Variants in DPP10 observed in about 807,000 individuals in gnomAD.
DPP10 encodes the protein inactive dipeptidyl peptidase 10.
DPP10 carries 33 observed loss-of-function variants against 120.9 expected under a neutral mutation model. That is an observed-to-expected ratio of 0.27 (90% confidence interval 0.21 to 0.37). The LOEUF (loss-of-function observed/expected upper bound fraction) is 0.37, where lower values mean the gene tolerates loss of function less well. DPP10 is among the 10% of genes least tolerant of loss of function. The pLI is 1.00. For synonymous variants in DPP10, 337 were observed against 326.1 expected (o/e 1.03, Z -0.36); for missense variants, 816 against 942.8 (o/e 0.87, Z 1.76).
At chr2:115,175,773 C>T (rs1374755362) in intron 1 of DPP10, among the ~76,000 whole-genome samples, 2 of 152,206 alleles carry the variant, frequency 1.3e-5, no homozygotes, top group African/African-American at 2.4e-5. Flanking sequence ...TGAATTGTGA[C>T]AGTGACACTG....
At chr2:114,779,646 A>G (rs1234982882) in intron 1 of DPP10, among the ~76,000 whole-genome samples, 1 of 152,124 alleles carries the variant, frequency 6.6e-6, no homozygotes, top group Non-Finnish European at 1.5e-5. Context: ...TCTGTTCATG[A>G]CCAGCCCTGA....
intron 1 of DPP10, among the ~76,000 whole-genome samples, chr2:115,217,178 T>C (rs2056881677): frequency 6.6e-6 from 1 of 152,172 alleles, no homozygotes; most frequent in African/African-American, 2.4e-5. Context: ...AACATTTTAG[T>C]TTTGAATCCT....
At chr2:115,715,028 C>CAAAAAA (rs70941091) in intron 7 of DPP10, among the ~76,000 whole-genome samples, 3 of 66,136 alleles carry the variant, frequency 4.5e-5, no homozygotes, top group African/African-American at 1.3e-4. Flanking sequence ...GACTCTGTCT[C>CAAAAAA]AAAAAAAAAA....
intron 5 of DPP10, among the ~76,000 whole-genome samples, chr2:115,532,988 A>AT (rs2078564455): frequency 6.6e-6 from 1 of 151,824 alleles, no homozygotes; most frequent in African/African-American, 2.4e-5. Flanking sequence ...CCTTTACCGC[A>AT]TTTTTTTAAG....
At chr2:114,707,233 A>C (rs1445085535) in intron 1 of DPP10, 1 of 152,194 alleles carries the variant, frequency 6.6e-6, no homozygotes, top group African/African-American at 2.4e-5. Flanking sequence ...GACTAAAGAC[A>C]ATACTAAGAA....
chr2:114,932,803 T>C (rs1696177226), intron 1 of DPP10, among the ~76,000 whole-genome samples: 1 of 152,192 alleles, frequency 6.6e-6, no homozygotes, highest in Non-Finnish European at 1.5e-5. Context: ...ATATATGTTA[T>C]ACCTCAAAAA....
chr2:114,448,078 T>G (rs573357138), intron 1 of DPP10, among the ~76,000 whole-genome samples: 2 of 152,208 alleles, frequency 1.3e-5, no homozygotes, highest in South Asian at 2.1e-4. Context: ...TTACTATAAA[T>G]TCAGCTGTTT....
chr2:114,459,953 G>A (rs1678786704), intron 1 of DPP10, among the ~76,000 whole-genome samples: 1 of 152,158 alleles, frequency 6.6e-6, no homozygotes, highest in African/African-American at 2.4e-5. Context: ...GACATGAAGT[G>A]CAGAGGGTAC....
At chr2:115,724,713 C>T (rs1221077985) in intron 7 of DPP10, among the ~76,000 whole-genome samples, 1 of 152,052 alleles carries the variant, frequency 6.6e-6, no homozygotes, top group Non-Finnish European at 1.5e-5. Flanking sequence ...AGAGAAACAC[C>T]TGAGACTGGG....
chr2:115,017,040 C>T (rs1475695064), intron 1 of DPP10, among the ~76,000 whole-genome samples: 1 of 131,700 alleles, frequency 7.6e-6, no homozygotes, highest in Non-Finnish European at 1.5e-5. Flanking sequence ...GGGAACATCA[C>T]ACTCTGGGGA....
At chr2:115,400,823 C>G (rs2104479354) in intron 3 of DPP10, among the ~76,000 whole-genome samples, 1 of 152,284 alleles carries the variant, frequency 6.6e-6, no homozygotes, top group Admixed American at 6.5e-5. Context: ...CTTCACTCCC[C>G]ACGTCAATAG....
intron 5 of DPP10, among the ~76,000 whole-genome samples, chr2:115,657,853 A>G (rs1257304788): frequency 6.6e-6 from 1 of 151,998 alleles, no homozygotes; most frequent in Non-Finnish European, 1.5e-5. Context: ...TAAACAGAAG[A>G]AACAACCTTG....
At chr2:115,511,955 C>G (rs2077256735) in intron 4 of DPP10, among the ~76,000 whole-genome samples, 1 of 151,716 alleles carries the variant, frequency 6.6e-6, no homozygotes, top group Non-Finnish European at 1.5e-5. Flanking sequence ...TGATCTTGAC[C>G]TTCTGGGCTC....
intron 1 of DPP10, among the ~76,000 whole-genome samples, chr2:114,468,022 G>A (rs1366972470): frequency 6.6e-6 from 1 of 152,022 alleles, no homozygotes; most frequent in African/African-American, 2.4e-5. Context: ...CACCATCTTA[G>A]TAATAATAAT....
intron 5 of DPP10, among the ~76,000 whole-genome samples, chr2:115,633,307 C>A (rs934739337): frequency 7.9e-5 from 12 of 152,158 alleles, no homozygotes; most frequent in Admixed American, 1.3e-4. Flanking sequence ...TGGAAACCAT[C>A]ATTCTCAGCA....
chr2:115,562,442 C>T (rs1261296065), intron 5 of DPP10, among the ~76,000 whole-genome samples: 1 of 152,148 alleles, frequency 6.6e-6, no homozygotes, highest in Non-Finnish European at 1.5e-5. Context: ...TTATCAGCAT[C>T]CCCCTAAGAT....
chr2:114,513,095 G>A (rs976746782), intron 1 of DPP10, among the ~76,000 whole-genome samples: 3 of 152,006 alleles, frequency 2.0e-5, no homozygotes, highest in Non-Finnish European at 4.4e-5. Context: ...AATTTACAAG[G>A]CTCTTTTTTT....
chr2:115,551,289 G>A (rs1370466036), intron 5 of DPP10, among the ~76,000 whole-genome samples: 2 of 152,104 alleles, frequency 1.3e-5, no homozygotes, highest in Non-Finnish European at 2.9e-5. Context: ...AGTACATTGT[G>A]CAATATAATT....
chr2:115,121,988 G>C (rs193207976), intron 1 of DPP10, among the ~76,000 whole-genome samples: 83 of 152,256 alleles, frequency 5.5e-4, no homozygotes, highest in Admixed American at 2.2e-3. Context: ...TGCATCGAAG[G>C]GTCATGTCCT....
Sources: allele counts gnomAD v4.1 joint callset (sites outside exome capture counted in the v4.1 genomes callset), GRCh38; gene constraint gnomAD v4.1.1; transcripts MANE v1.5; gene names NCBI Gene and HGNC (gene_info 2026-07-23, HGNC 2026-07-21).